The following THSD4 variants were observed in gnomAD, a reference collection of about 807,000 sequenced individuals.
The protein encoded by THSD4 is thrombospondin type-1 domain-containing protein 4.
THSD4 carries 69 observed loss-of-function variants against 119.0 expected under a neutral mutation model. That is an observed-to-expected ratio of 0.58 (90% CI 0.48 to 0.71). The LOEUF is 0.71. Among genes scored for constraint, THSD4 ranks in the 30% least tolerant of loss-of-function variants. THSD4 has a pLI of 0.00. For synonymous variants in THSD4, 524 were observed against 540.4 expected (o/e 0.97, Z 0.42); for missense variants, 1,393 against 1,391.1 (o/e 1.00, Z -0.02).
At chr15:71,473,014 C>A (rs560451703) in intron 7 of THSD4, among the ~76,000 whole-genome samples, 2 of 148,650 alleles carry the variant, frequency 1.3e-5, no homozygotes, top group African/African-American at 2.5e-5. Context: ...AAAAAAAATT[C>A]TTAATGTTAC....
intron 3 of THSD4, 143 bp from the exon 4 acceptor site, chr15:71,214,892 A>C: frequency 8.4e-7 from 1 of 1,187,070 alleles, no homozygotes; most frequent in Non-Finnish European, 1.0e-6. Context: ...ACCGACTCTA[A>C]GCCAGGCTGG....
chr15:71,507,318 G>T (rs1209667272), intron 7 of THSD4, among the ~76,000 whole-genome samples: 3 of 152,066 alleles, frequency 2.0e-5, no homozygotes, highest in Admixed American at 6.5e-5. Flanking sequence ...TCTTACTTGG[G>T]GTGTCAAATT....
At chr15:71,135,180 T>A (rs1169504413) in intron 1 of THSD4, among the ~76,000 whole-genome samples, 6 of 113,762 alleles carry the variant, frequency 5.3e-5, no homozygotes, top group South Asian at 6.3e-4. Flanking sequence ...GATCACATGG[T>A]CACAGGAAGG....
At chr15:71,706,020 G>A (rs999239861) in intron 8 of THSD4, among the ~76,000 whole-genome samples, 15 of 152,154 alleles carry the variant, frequency 9.9e-5, no homozygotes, top group Admixed American at 3.9e-4. Flanking sequence ...TGCATCTAGA[G>A]AATCATAAAG....
Position 71,199,851 on chromosome 15 carries a change from G to GTGGTGC in THSD4, c.100-15184_100-15183insTGGTGC, listed in dbSNP as rs2140237176. ...GGGTGTGTGTGTGTGTGCTGTGTGT[G>GTGGTGC]ATGCATGTGTGGGGTGTGTGTGTGT... On this transcript the variant is annotated intron_variant, in intron 3 of 17. Coordinates refer to ENST00000261862, the MANE Select transcript of THSD4 (RefSeq NM_024817.3). Among the ~76,000 whole-genome samples, 3 of 146,720 alleles carry GTGGTGC rather than the reference G, an allele frequency of 2.0e-5. No homozygotes were observed. In the South Asian group the frequency reaches 7.2e-4, roughly 35 times the overall value.
chr15:71,463,940 T>G (rs1566993255), intron 7 of THSD4, among the ~76,000 whole-genome samples: 1 of 152,204 alleles, frequency 6.6e-6, no homozygotes, highest in East Asian at 1.9e-4. Flanking sequence ...ATATGTTTAT[T>G]CCATGCGAGT....
intron 7 of THSD4, among the ~76,000 whole-genome samples, chr15:71,457,409 ATGG>A (rs1316442383): frequency 1.4e-5 from 2 of 147,680 alleles, no homozygotes; most frequent in Non-Finnish European, 3.0e-5. Context: ...AAAAGCCAAG[ATGG>A]TAATGCAAGT....
At chr15:71,425,756 A>G (rs1423946203) in intron 7 of THSD4, among the ~76,000 whole-genome samples, 1 of 152,204 alleles carries the variant, frequency 6.6e-6, no homozygotes, top group African/African-American at 2.4e-5. Context: ...GGTACTCAAT[A>G]TGTTGAATTT....
At position 71,387,081 on chromosome 15, in the gene THSD4, G is replaced by A. The variant is rs139505912; in HGVS notation, c.1016-24606G>A. ...TTGCAGCCTATGGGCATAGGGTCAA[G>A]TTGTTTTCAGTTTGCTTGTGTTTTG... On this transcript the variant is annotated intron_variant, in intron 6 of 17. Transcript: ENST00000261862. 9.0e-3 allele frequency among the ~76,000 whole-genome samples: 1,363 copies of A among 152,248 alleles called. 22 individuals are homozygous for A. Among genetic ancestry groups the A allele is most frequent in the African/African-American group, 0.031 (1,305 of 41,544 alleles).
upstream of THSD4, chr15:71,111,488 G>T: frequency 1.6e-6 from 2 of 1,226,960 alleles, no homozygotes; most frequent in Non-Finnish European, 2.3e-6. Context: ...TCTACCCTGA[G>T]ATTTTTAGAA....
chr15:71,626,267 G>A (rs1459161738), intron 7 of THSD4, among the ~76,000 whole-genome samples: 1 of 152,160 alleles, frequency 6.6e-6, no homozygotes, highest in East Asian at 1.9e-4. Context: ...AACAACATCT[G>A]CAAACAATGG....
chr15:71,780,699 C>T lies in THSD4; in HGVS notation c.*3325C>T, dbSNP rs755689424. 3.5e-5 allele frequency: 16 copies of T among 456,562 alleles called. No individual in the cohort carries two copies. Among genetic ancestry groups the T allele is most frequent in the Admixed American group, 1.9e-4 (8 of 42,534 alleles). 28.3% of individuals were successfully genotyped at this position (456,562 alleles called of 1,614,324 possible). On this transcript the variant is annotated 3_prime_UTR_variant, in exon 18 of 18. Transcript: ENST00000261862. ...GAACTAGAACATGACAAGAATTCTCCGCACTGTGCCTACCTGTCCCTTTAC... is the reference window on the plus strand; with the variant it reads ...GAACTAGAACATGACAAGAATTCTCTGCACTGTGCCTACCTGTCCCTTTAC...
At chr15:71,617,490 C>A (rs1501425) in intron 7 of THSD4, among the ~76,000 whole-genome samples, 28,894 of 152,012 alleles carry the variant, frequency 0.19, 3,094 homozygotes, top group Non-Finnish European at 0.24. Flanking sequence ...CTCAATTAAC[C>A]TCACTTAAAC....
chr15:71,599,259 A>G (rs562147612), intron 7 of THSD4, among the ~76,000 whole-genome samples: 9 of 152,282 alleles, frequency 5.9e-5, no homozygotes, highest in African/African-American at 2.2e-4. Flanking sequence ...TATATACAAG[A>G]TAAATATTTG....
chr15:71,346,868 CTTTTTTTTTTT>C (rs71154763), intron 6 of THSD4, among the ~76,000 whole-genome samples: 60 of 86,014 alleles, frequency 7.0e-4, no homozygotes, highest in African/African-American at 2.8e-3. Flanking sequence ...TTTTCATTTT[CTTTTTTTTTTT>C]TTTTTTTTTT....
intron 7 of THSD4, among the ~76,000 whole-genome samples, chr15:71,453,810 A>G (rs117383132): frequency 0.018 from 2,752 of 152,326 alleles, 52 homozygotes; most frequent in Non-Finnish European, 0.029. Context: ...TGTTGTGACC[A>G]TCATAACCGC....
chr15:71,411,226 A>G (rs553082076), intron 6 of THSD4, among the ~76,000 whole-genome samples: 4 of 152,316 alleles, frequency 2.6e-5, no homozygotes, highest in African/African-American at 9.6e-5. Context: ...ATTCCTTTAT[A>G]ATATTCACTC....
chr15:71,375,032 A>T (rs986938784), intron 6 of THSD4, among the ~76,000 whole-genome samples: 1 of 152,214 alleles, frequency 6.6e-6, no homozygotes, highest in African/African-American at 2.4e-5. Flanking sequence ...GGGATTTCAG[A>T]CAAATCCACA....
At chr15:71,425,329 T>A (rs1045004747) in intron 7 of THSD4, among the ~76,000 whole-genome samples, 17 of 152,204 alleles carry the variant, frequency 1.1e-4, no homozygotes, top group African/African-American at 4.1e-4. Context: ...TTAGGCTGAA[T>A]TGTTAATCAG....
Sources: gnomAD v4.1 joint callset for allele counts (sites outside exome capture counted in the v4.1 genomes callset) on GRCh38, gnomAD v4.1.1 for gene constraint, MANE v1.5 for transcripts, NCBI Gene and HGNC (gene_info 2026-07-23, HGNC 2026-07-21) for gene names.